Variants in ARRDC5 observed in about 807,000 individuals in gnomAD.
ARRDC5 encodes the protein arrestin domain containing 5, also known as arrestin domain-containing protein 5.
Under a neutral mutation model 13.3 loss-of-function variants are expected in ARRDC5, and 12 were observed. The ratio of observed to expected loss-of-function variants is 0.90; its 90% confidence interval spans 0.58 to 1.46. The LOEUF is 1.46. ARRDC5 is among the 40% of genes most tolerant of loss of function. ARRDC5 has a pLI of 0.00. For synonymous variants in ARRDC5, 181 were observed against 173.4 expected, an observed-to-expected ratio of 1.04 and a Z score of -0.34; for missense variants, 406 against 418.7, an observed-to-expected ratio of 0.97 and a Z score of 0.26.
At chr19:4,898,978 T>C (rs1454402577) in intron 1 of ARRDC5, among the ~76,000 whole-genome samples, 1 of 151,954 alleles carries the variant, frequency 6.6e-6, no homozygotes, top group Non-Finnish European at 1.5e-5. Context: ...GCACGGTGTT[T>C]GTGCACAGTA....
rs768795394 is a variant in ARRDC5, at chr19:4,891,102, T to C, written c.931A>G (p.Ile311Val). 1 of 1,613,956 alleles carries C rather than the reference T, an allele frequency of 6.2e-7. No homozygotes were observed. The highest frequency in any genetic ancestry group is 2.2e-5 in the East Asian group (1 of 44,872). Reference protein sequence around the residue: ...IITSASVDSAICQLSEDGVLP... With the variant: ...IITSASVDSAVCQLSEDGVLP... The stretch of plus-strand genomic sequence containing the variant: ...ACTCCGTCCTCTGACAGCTGGCAGA[T>C]GGCAGAGTCCACTGAGGCGCTGGTG... The change falls in exon 3 of 3, where the codon ATC (isoleucine) becomes GTC (valine). Residue 311 changes from isoleucine to valine, a missense_variant. Physicochemically the swap from Ile to Val is conservative, Grantham distance 29. Coordinates refer to ENST00000650722, the MANE Select transcript of ARRDC5 (RefSeq NM_001080523.3).
intron 1 of ARRDC5, among the ~76,000 whole-genome samples, chr19:4,900,810 G>A (rs1043025119): frequency 6.6e-6 from 1 of 151,932 alleles, no homozygotes; most frequent in Non-Finnish European, 1.5e-5. Context: ...ACCTGAGGTC[G>A]GGAGTTCAAG....
At chr19:4,897,164 C>G (rs912378120) in intron 1 of ARRDC5, among the ~76,000 whole-genome samples, 1 of 152,124 alleles carries the variant, frequency 6.6e-6, no homozygotes, top group Non-Finnish European at 1.5e-5. Context: ...GTCATGTTGT[C>G]CATCCTGGTC....
chr19:4,905,886 T>C (rs190073908), upstream of ARRDC5, among the ~76,000 whole-genome samples: 34 of 152,308 alleles, frequency 2.2e-4, no homozygotes, highest in East Asian at 6.2e-3. Context: ...AGCCAAAAGA[T>C]TGGACACCCC....
At chr19:4,903,420 C>A (rs996648896), upstream of ARRDC5, 2 of 153,484 alleles carry the variant, frequency 1.3e-5, no homozygotes, top group African/African-American at 4.8e-5. Flanking sequence ...TCAAGCAATT[C>A]TCCTGCTTCA....
At chr19:4,894,730 A>G (rs2031653474) in intron 2 of ARRDC5, among the ~76,000 whole-genome samples, 1 of 91,618 alleles carries the variant, frequency 1.1e-5, no homozygotes. Flanking sequence ...GAAGAAGAAG[A>G]AGAGGAAGAG....
chr19:4,902,548 G>C, intron 1 of ARRDC5, 25 bp downstream of exon 1: 2 of 1,608,812 alleles, frequency 1.2e-6, no homozygotes, highest in East Asian at 2.2e-5. Context: ...TCATGGCTAG[G>C]GGTGGCTGTT....
chr19:4,913,252 CTTTTTTTTTT>C, the ARRDC5 span, among the ~76,000 whole-genome samples: 1 of 111,202 alleles, frequency 9.0e-6, no homozygotes, highest in African/African-American at 3.7e-5. Context: ...GTACATTGTG[CTTTTTTTTTT>C]TTTTTTTTGA....
upstream of ARRDC5, chr19:4,903,134 C>T (rs545196502): frequency 2.9e-6 from 1 of 340,990 alleles, no homozygotes; most frequent in East Asian, 6.1e-5. Flanking sequence ...TCAAGCAATT[C>T]TCCTGCCTCA....
intron 1 of ARRDC5, among the ~76,000 whole-genome samples, chr19:4,898,407 G>T (rs563115577): frequency 3.9e-5 from 6 of 151,944 alleles, no homozygotes; most frequent in Non-Finnish European, 8.8e-5. Context: ...TGTCACCCAG[G>T]CTGGAGTGCA....
the ARRDC5 span, among the ~76,000 whole-genome samples, chr19:4,914,117 C>T: frequency 1.3e-5 from 2 of 151,932 alleles, no homozygotes; most frequent in African/African-American, 2.4e-5. Context: ...TGAACCGTCG[C>T]ATCCGGCCCC....
chr19:4,909,891 TGGG>T, the ARRDC5 span: 28 of 368,330 alleles, frequency 7.6e-5, no homozygotes, highest in Admixed American at 4.7e-4. Flanking sequence ...GCGCGCCGGG[TGGG>T]GGAGGGCCTG....
Position 4,891,568 on chromosome 19 carries a change from G to C in ARRDC5, c.465C>G (p.Pro155=), listed in dbSNP as rs1197280396. 2 of 1,610,536 alleles carry C rather than the reference G, an allele frequency of 1.2e-6. No homozygotes were observed. Among genetic ancestry groups the C allele is most frequent in the Non-Finnish European group, 1.7e-6 (2 of 1,178,228 alleles). ...TFHKETPFQN[P]LFVEAEEKVS... is the part of the protein sequence containing the mutation. Reference sequence around the variant, plus strand: ...CTTTCTCCTCAGCCTCCACGAACAAGGGGTTCTAGGAGGATGTGGGGGAAC... The same window carrying C: ...CTTTCTCCTCAGCCTCCACGAACAACGGGTTCTAGGAGGATGTGGGGGAAC... Residue 155 remains proline (P), a synonymous_variant, in exon 3 of 3, where the codon CCC becomes CCG. Coordinates refer to ENST00000650722, the MANE Select transcript of ARRDC5 (RefSeq NM_001080523.3).
intron 1 of ARRDC5, among the ~76,000 whole-genome samples, chr19:4,899,770 A>T (rs1373456320): frequency 6.9e-5 from 10 of 144,410 alleles, no homozygotes; most frequent in Admixed American, 4.3e-4. Flanking sequence ...TCTACAAAAA[A>T]AAAAAAAAAA....
rs777982264 is a variant in ARRDC5 at position 4,896,665 on chromosome 19, C to A, written c.459+6G>T. 6.2e-7 allele frequency: 1 copy of A among 1,600,430 alleles called. No homozygotes were observed. The highest frequency in any genetic ancestry group is 8.6e-7 in the Non-Finnish European group (1 of 1,167,870). ...GTTCCCACCTCCACCTTTCCCCCAT[C>A]GGTACCTGGAATGGGGTTTCTTTGT... On this transcript the variant is annotated splice_donor_region_variant and intron_variant, in intron 2 of 2. Transcript: ENST00000650722.
At chr19:4,911,132 C>CG in the ARRDC5 span, 3 of 1,266,448 alleles carry the variant, frequency 2.4e-6, no homozygotes, top group South Asian at 4.9e-5. Flanking sequence ...CACCTCCCCC[C>CG]CCAACAACCT....
upstream of ARRDC5, among the ~76,000 whole-genome samples, chr19:4,906,198 C>T (rs2146266136): frequency 6.6e-6 from 1 of 152,218 alleles, no homozygotes; most frequent in African/African-American, 2.4e-5. Flanking sequence ...AAGCTGGTCT[C>T]AAACTCCCGG....
chr19:4,894,271 G>A (rs1178466277), intron 2 of ARRDC5, among the ~76,000 whole-genome samples: 1 of 151,516 alleles, frequency 6.6e-6, no homozygotes, highest in Non-Finnish European at 1.5e-5. Context: ...CAGCACTTTG[G>A]GAGGCCGAGG....
chr19:4,891,398 A>G lies in ARRDC5; in HGVS notation c.635T>C (p.Leu212Pro). ...SKCIKTVVFA[L>P]YAHIQYEGFT... The stretch of plus-strand genomic sequence containing the variant: ...GCCCTCGTACTGTATGTGGGCATAC[A>G]GGGCGAATACGACCGTCTTGATGCA... Residue 212 changes from leucine to proline, a missense_variant, in exon 3 of 3, where the codon CTG becomes CCG. Coordinates refer to ENST00000650722, the MANE Select transcript of ARRDC5 (RefSeq NM_001080523.3). 1 of 1,613,438 alleles carries G rather than the reference A, an allele frequency of 6.2e-7. No individual in the cohort carries two copies.
Sources: allele counts gnomAD v4.1 joint callset (sites outside exome capture counted in the v4.1 genomes callset), GRCh38; gene constraint gnomAD v4.1.1; transcripts MANE v1.5; gene names NCBI Gene and HGNC (gene_info 2026-07-23, HGNC 2026-07-21).